The following FKBP1A variants were observed in gnomAD, a reference collection of about 807,000 sequenced individuals.
The protein encoded by FKBP1A is FKBP prolyl isomerase 1A.
Under a neutral mutation model 14.2 loss-of-function variants are expected in FKBP1A, and 5 were observed. That is an observed-to-expected ratio of 0.35 (90% CI 0.18 to 0.74). The LOEUF (loss-of-function observed/expected upper bound fraction) is 0.74. Among genes scored for constraint, FKBP1A ranks in the 30% least tolerant of loss-of-function variants. The pLI, the probability that FKBP1A is intolerant of heterozygous loss-of-function variation, is 0.56. For missense variants in FKBP1A, 53 were observed against 138.8 expected, an observed-to-expected ratio of 0.38 and a Z score of 3.10; for synonymous variants, 42 against 49.1, an observed-to-expected ratio of 0.86 and a Z score of 0.60.
chr20:1,392,175 C>G (rs1461311030), intron 2 of FKBP1A, among the ~76,000 whole-genome samples: 1 of 152,224 alleles, frequency 6.6e-6, no homozygotes, highest in African/African-American at 2.4e-5. Context: ...CAGCCTGAGC[C>G]AGCGCTGTCA....
chr20:1,381,991 A>G (rs1409341889), intron 2 of FKBP1A, among the ~76,000 whole-genome samples: 1 of 152,222 alleles, frequency 6.6e-6, no homozygotes, highest in African/African-American at 2.4e-5. Flanking sequence ...AATGTGCAGT[A>G]TATTGGATTT....
intron 3 of FKBP1A, chr20:1,375,205 T>C (rs1318852573): frequency 5.4e-6 from 3 of 554,540 alleles, no homozygotes; most frequent in Non-Finnish European, 9.4e-6. Context: ...TACTCCTCTT[T>C]TATGTAGTGG....
chr20:1,370,427 CT>C lies in FKBP1A; in HGVS notation c.*37-356del, dbSNP rs1178918136. On this transcript the variant is annotated intron_variant, in intron 4 of 4. Transcript: ENST00000400137. Reference sequence around the variant, plus strand: ...CATCACCTGGGGGCTTTAAAAAACTCTTAATGCCTGGGTTCCACTCCCATGA... The same window carrying C: ...CATCACCTGGGGGCTTTAAAAAACTCTAATGCCTGGGTTCCACTCCCATGA... 21 of 973,858 alleles carry C rather than the reference CT, an allele frequency of 2.2e-5. No individual in the cohort carries two copies. The South Asian group carries it at 7.6e-4, about 35-fold the overall frequency. The allele number at this position is 973,858 out of a possible 1,614,324, so 60.3% of individuals were successfully genotyped here.
At chr20:1,384,224 T>A (rs1310565198) in intron 2 of FKBP1A, among the ~76,000 whole-genome samples, 9 of 152,212 alleles carry the variant, frequency 5.9e-5, no homozygotes, top group Admixed American at 6.5e-5. Flanking sequence ...TGTGTAAATA[T>A]AATGTAATTA....
chr20:1,378,681 T>C (rs1307411911), intron 2 of FKBP1A: 3 of 152,196 alleles, frequency 2.0e-5, no homozygotes, highest in Non-Finnish European at 4.4e-5. Flanking sequence ...TTGCTGAGAA[T>C]CTGAAACTGC....
chr20:1,374,997 C>T (rs1162250454), intron 3 of FKBP1A, among the ~76,000 whole-genome samples: 1 of 152,140 alleles, frequency 6.6e-6, no homozygotes, highest in Non-Finnish European at 1.5e-5. Context: ...CCACCACGCC[C>T]GGCTAATTTT....
chr20:1,392,096 A>G (rs182595919), intron 2 of FKBP1A, among the ~76,000 whole-genome samples: 5 of 152,358 alleles, frequency 3.3e-5, no homozygotes, highest in Admixed American at 3.3e-4. Flanking sequence ...CTTATCTTTA[A>G]AATGAGGACG....
rs997452673 is a variant in FKBP1A, at chr20:1,379,310, C to G, written c.86-3707G>C. ...TGAGATACTTCAACTATCTATCTGA[C>G]TGGTACCAGGCTAGGAGCACTAGGC... On this transcript the variant is annotated intron_variant, in intron 2 of 4. Coordinates refer to ENST00000400137, the MANE Select transcript of FKBP1A (RefSeq NM_000801.5). The surrounding 1 kb of genome is among the most constrained non-coding windows in gnomAD (Gnocchi z 4.3). Among the ~76,000 whole-genome samples the G allele has an allele frequency of 4.6e-5, 7 of 152,206 alleles. No homozygotes were observed.
At chr20:1,382,016 TA>T (rs1472710463) in intron 2 of FKBP1A, among the ~76,000 whole-genome samples, 3 of 152,238 alleles carry the variant, frequency 2.0e-5, no homozygotes, top group Non-Finnish European at 4.4e-5. Flanking sequence ...CACGCCTCAG[TA>T]ACTTTTTTAA....
chr20:1,373,165 G>A (rs915148285), intron 3 of FKBP1A: 2 of 152,210 alleles, frequency 1.3e-5, no homozygotes, highest in African/African-American at 2.4e-5. Context: ...GACCAAGGTG[G>A]TAAGGATAGT....
intron 2 of FKBP1A, among the ~76,000 whole-genome samples, chr20:1,380,340 G>C (rs2089603296): frequency 6.6e-6 from 1 of 152,098 alleles, no homozygotes; most frequent in Admixed American, 6.5e-5. Flanking sequence ...GGTCCTCTTT[G>C]AGTATTCAGC....
At chr20:1,383,023 G>A (rs1409187924) in intron 2 of FKBP1A, among the ~76,000 whole-genome samples, 1 of 152,218 alleles carries the variant, frequency 6.6e-6, no homozygotes, top group Admixed American at 6.5e-5. Flanking sequence ...TGTGTTCCTG[G>A]TGGTTGGCTC....
Position 1,379,506 on chromosome 20 carries a change from A to C in FKBP1A, c.86-3903T>G, listed in dbSNP as rs1196714484. On this transcript the variant is annotated intron_variant, in intron 2 of 4. Transcript: ENST00000400137. The surrounding 1 kb of genome is among the most constrained non-coding windows in gnomAD (Gnocchi z 4.3). ...GTATCTTAAAACCATAAAAGCCAGG[A>C]AGCAGGATTTCTAAGTAAAGGAGCT... 1.3e-5 allele frequency among the ~76,000 whole-genome samples: 2 copies of C among 152,196 alleles called. No individual in the cohort carries two copies. The highest frequency in any genetic ancestry group is 2.9e-5 in the Non-Finnish European group (2 of 68,034).
At chr20:1,377,020 G>A (rs1032879887) in intron 2 of FKBP1A, 2 of 152,206 alleles carry the variant, frequency 1.3e-5, no homozygotes, top group African/African-American at 4.8e-5. Context: ...TGGAGGGTCA[G>A]CCAGTGGTTA....
Position 1,375,516 on chromosome 20 carries a change from C to T in FKBP1A, c.173G>A (p.Arg58Gln), listed in dbSNP as rs1334917256. Residue 58 changes from arginine (R) to glutamine (Q), a missense_variant, in exon 3 of 5, where the codon CGA (arginine) becomes CAA (glutamine). By Grantham distance (43) the Arg-to-Gln change is conservative (BLOSUM62 1). Around this residue, in one of 2 missense-constraint regions of FKBP1A, gnomAD observed 35 missense variants for 118.1 expected, o/e 0.30. Coordinates refer to ENST00000400137, the MANE Select transcript of FKBP1A (RefSeq NM_000801.5). ...CTGGGCAACCCCTTCTTCCCAGCCT[C>T]GGATCACCTCCTGCTTGCCTAGCAT... ...KFMLGKQEVIRGWEEGVAQMS... is the reference protein window; with the variant it reads ...KFMLGKQEVIQGWEEGVAQMS... The T allele has an allele frequency of 3.7e-6, 6 of 1,613,626 alleles. No homozygotes were observed. In the Admixed American group the frequency reaches 6.7e-5, roughly 18 times the overall value.
At chr20:1,391,334 C>T (rs528034713) in intron 2 of FKBP1A, among the ~76,000 whole-genome samples, 1 of 152,176 alleles carries the variant, frequency 6.6e-6, no homozygotes, top group Non-Finnish European at 1.5e-5. Flanking sequence ...TGACAAATCA[C>T]CAAAAGGATG....
At position 1,372,076 on chromosome 20, in the gene FKBP1A, C is replaced by G. The variant is rs755342056; in HGVS notation, c.*36G>C. On this transcript the variant is annotated splice_region_variant and 3_prime_UTR_variant, in exon 4 of 5. Transcript: ENST00000400137. ...GCCCTTCAGTATTCCATTTCCTTAC[C>G]CAAGAACAGGGAGCTAAGGGAGGAG... is the stretch of plus-strand genomic sequence containing the variant. The G allele has an allele frequency of 1.2e-6, 2 of 1,611,784 alleles. No homozygotes were observed. Among genetic ancestry groups the G allele is most frequent in the Non-Finnish European group, 1.7e-6 (2 of 1,178,868 alleles).
chr20:1,373,986 G>C (rs2089504429), intron 3 of FKBP1A, among the ~76,000 whole-genome samples: 3 of 152,226 alleles, frequency 2.0e-5, no homozygotes, highest in Admixed American at 1.3e-4. Flanking sequence ...TCAAGTTCCT[G>C]AAAGTTGAGC....
chr20:1,385,501 G>C (rs2089660825), intron 2 of FKBP1A, among the ~76,000 whole-genome samples: 1 of 152,110 alleles, frequency 6.6e-6, no homozygotes, highest in Non-Finnish European at 1.5e-5. Flanking sequence ...CTCTGTTACA[G>C]ACTATTATTA....
Sources: allele counts gnomAD v4.1 joint callset (sites outside exome capture counted in the v4.1 genomes callset), GRCh38; gene constraint gnomAD v4.1.1; regional missense constraint gnomAD v4.1.1; non-coding constraint Gnocchi (gnomAD v3.1); transcripts MANE v1.5; gene names NCBI Gene and HGNC (gene_info 2026-07-23, HGNC 2026-07-21).